The following ERC2 variants were observed in gnomAD, a reference collection of about 807,000 sequenced individuals.
The protein encoded by ERC2 is ELKS/RAB6-interacting/CAST family member 2.
A neutral mutation model predicts 114.8 loss-of-function variants in ERC2; 42 were observed. The ratio of observed to expected loss-of-function variants is 0.37; its 90% CI spans 0.29 to 0.47. The LOEUF is 0.47. Ranked by LOEUF, ERC2 falls within the 20% of genes least tolerant of loss-of-function variation. The probability of loss-of-function intolerance (pLI) is 0.99; values close to 1 mark genes in which losing one functional copy is unlikely to be tolerated. For synonymous variants in ERC2, 454 were observed against 425.5 expected, an observed-to-expected ratio of 1.07 and a Z score of -0.82; for missense variants, 939 against 1,150.7, an observed-to-expected ratio of 0.82 and a Z score of 2.66.
intron 3 of ERC2, among the ~76,000 whole-genome samples, chr3:56,247,704 A>T (rs956003956): frequency 6.6e-6 from 1 of 152,220 alleles, no homozygotes; most frequent in African/African-American, 2.4e-5. Context: ...ACAACTGGGT[A>T]AAGGAATGTC....
intron 3 of ERC2, among the ~76,000 whole-genome samples, chr3:56,208,396 T>C (rs1402629606): frequency 1.3e-5 from 2 of 152,244 alleles, no homozygotes; most frequent in Non-Finnish European, 2.9e-5. Context: ...TTGCTCTTGC[T>C]TTGTTTACAG....
intron 7 of ERC2, among the ~76,000 whole-genome samples, chr3:56,023,140 A>G (rs2073829761): frequency 6.6e-6 from 1 of 152,192 alleles, no homozygotes; most frequent in Admixed American, 6.5e-5. Flanking sequence ...AGTCCTCAGC[A>G]CAAAAGGGAC....
At chr3:56,171,687 A>G (rs941624730) in intron 4 of ERC2, among the ~76,000 whole-genome samples, 6 of 152,064 alleles carry the variant, frequency 3.9e-5, no homozygotes, top group African/African-American at 1.4e-4. Context: ...ACATAATGCT[A>G]AAAACAACAA....
chr3:56,442,365 G>A (rs183767014), intron 1 of ERC2, among the ~76,000 whole-genome samples: 16 of 152,124 alleles, frequency 1.1e-4, no homozygotes, highest in Middle Eastern at 3.4e-3. Context: ...GACCACAAGC[G>A]CACACCCCCT....
chr3:56,111,260 T>C (rs2078943248), intron 6 of ERC2, among the ~76,000 whole-genome samples: 1 of 152,014 alleles, frequency 6.6e-6, no homozygotes, highest in African/African-American at 2.4e-5. Context: ...ATCAGCTCAA[T>C]AATGCACTCA....
At chr3:56,042,165 AC>A (rs1165444152) in intron 7 of ERC2, among the ~76,000 whole-genome samples, 3 of 152,102 alleles carry the variant, frequency 2.0e-5, no homozygotes, top group African/African-American at 7.2e-5. Flanking sequence ...ATACATTCCC[AC>A]GAGATGAAGG....
intron 13 of ERC2, among the ~76,000 whole-genome samples, chr3:55,935,020 C>G (rs2066349405): frequency 1.3e-5 from 2 of 152,184 alleles, no homozygotes; most frequent in Non-Finnish European, 2.9e-5. Flanking sequence ...GTGACCTACT[C>G]CAAAGATGTA....
intron 17 of ERC2, among the ~76,000 whole-genome samples, chr3:55,666,066 G>A (rs2061345451): frequency 6.6e-6 from 1 of 152,134 alleles, no homozygotes; most frequent in African/African-American, 2.4e-5. Flanking sequence ...AACCTGTAAG[G>A]GGCTCACACC....
intron 8 of ERC2, among the ~76,000 whole-genome samples, chr3:56,013,731 G>T (rs1205135670): frequency 6.6e-6 from 1 of 152,154 alleles, no homozygotes; most frequent in Non-Finnish European, 1.5e-5. Context: ...CATAGATTTA[G>T]TGTTTCTCAA....
chr3:55,643,640 T>C (rs912844307), intron 17 of ERC2, among the ~76,000 whole-genome samples: 7 of 152,216 alleles, frequency 4.6e-5, no homozygotes, highest in Non-Finnish European at 1.5e-5. Context: ...TTAATGCACA[T>C]AAAACATTCA....
At chr3:56,354,621 C>G (rs2058675376) in intron 2 of ERC2, among the ~76,000 whole-genome samples, 1 of 152,132 alleles carries the variant, frequency 6.6e-6, no homozygotes, top group African/African-American at 2.4e-5. Flanking sequence ...ACATATTTGT[C>G]CTAACTCTCC....
At chr3:55,767,993 T>C (rs1241341953) in intron 14 of ERC2, among the ~76,000 whole-genome samples, 1 of 152,164 alleles carries the variant, frequency 6.6e-6, no homozygotes, top group Non-Finnish European at 1.5e-5. Context: ...GTTCTCATAA[T>C]AGTGAGTTCT....
intron 17 of ERC2, among the ~76,000 whole-genome samples, chr3:55,663,753 T>C (rs898380782): frequency 1.3e-5 from 2 of 152,244 alleles, no homozygotes; most frequent in African/African-American, 4.8e-5. Flanking sequence ...AAATTTACTT[T>C]GGATTTACCA....
intron 2 of ERC2, among the ~76,000 whole-genome samples, chr3:56,375,551 C>A (rs2059507984): frequency 6.6e-6 from 1 of 152,104 alleles, no homozygotes; most frequent in African/African-American, 2.4e-5. Flanking sequence ...ATGGTTCCTG[C>A]CCTCATTGGG....
chr3:56,006,988 G>A (rs2072543934), intron 10 of ERC2, among the ~76,000 whole-genome samples, 193 bp downstream of exon 10: 1 of 152,014 alleles, frequency 6.6e-6, no homozygotes, highest in South Asian at 2.1e-4. Flanking sequence ...CAGGAAATCT[G>A]AGATAATTTT....
chr3:56,353,759 C>T lies in ERC2; in HGVS notation c.658-57324G>A, dbSNP rs1415919666. On this transcript the variant is annotated intron_variant, in intron 2 of 17. Coordinates refer to ENST00000288221, the MANE Select transcript of ERC2 (RefSeq NM_015576.3). The stretch of plus-strand genomic sequence containing the variant: ...ACATGGCACATGTATACATATGTAA[C>T]AAACCCTCACGTTGTGCACATGTAC... Among the ~76,000 whole-genome samples, 8 of 151,166 alleles carry T rather than the reference C, an allele frequency of 5.3e-5. No individual in the cohort carries two copies. The East Asian group carries it at 1.6e-3, about 30-fold the overall frequency.
At chr3:56,411,279 C>T (rs771371526) in intron 2 of ERC2, among the ~76,000 whole-genome samples, 22 of 151,506 alleles carry the variant, frequency 1.5e-4, no homozygotes, top group Non-Finnish European at 3.1e-4. Flanking sequence ...GAAATATTAA[C>T]GCCTCCTCCA....
At chr3:56,388,226 G>A (rs2106806558) in intron 2 of ERC2, among the ~76,000 whole-genome samples, 1 of 152,270 alleles carries the variant, frequency 6.6e-6, no homozygotes, top group East Asian at 1.9e-4. Context: ...GGCCCTGGTG[G>A]GAGGTGCTTG....
intron 3 of ERC2, among the ~76,000 whole-genome samples, chr3:56,205,210 T>C (rs2048648667): frequency 6.6e-6 from 1 of 152,168 alleles, no homozygotes; most frequent in Admixed American, 6.5e-5. Flanking sequence ...AGGTTTCATC[T>C]GATTTTCTTT....
Sources: allele counts gnomAD v4.1 joint callset (sites outside exome capture counted in the v4.1 genomes callset), GRCh38; gene constraint gnomAD v4.1.1; transcripts MANE v1.5; gene names NCBI Gene and HGNC (gene_info 2026-07-23, HGNC 2026-07-21).